Variants in RANBP2 observed in about 807,000 individuals in gnomAD.
RANBP2 encodes the protein E3 SUMO-protein ligase RanBP2.
RANBP2 carries 57 observed loss-of-function variants against 303.6 expected under a neutral mutation model. The observed-to-expected ratio is 0.19, with a 90% CI of 0.15 to 0.23. The LOEUF (loss-of-function observed/expected upper bound fraction) is 0.23. Ranked by LOEUF, RANBP2 falls within the 10% of genes least tolerant of loss-of-function variation. The pLI is 1.00. For missense variants in RANBP2, 3,138 were observed against 3,780.8 expected, an observed-to-expected ratio of 0.83 and a Z score of 4.46; for synonymous variants, 1,167 against 1,301.5, an observed-to-expected ratio of 0.90 and a Z score of 2.23.
the RANBP2 span, among the ~76,000 whole-genome samples, chr2:109,098,261 A>G: frequency 1.3e-5 from 2 of 152,210 alleles, no homozygotes; most frequent in Non-Finnish European, 2.9e-5. Flanking sequence ...AAACTCATGT[A>G]CAAGTCCCCA....
the RANBP2 span, among the ~76,000 whole-genome samples, chr2:108,848,014 T>C: frequency 6.6e-6 from 1 of 152,134 alleles, no homozygotes. Context: ...CACGCTTACA[T>C]ACCCACAGGT....
the RANBP2 span, chr2:109,432,814 G>A: frequency 2.6e-6 from 3 of 1,147,120 alleles, no homozygotes; most frequent in Non-Finnish European, 3.6e-6. Flanking sequence ...AGCCCCCACT[G>A]GCGTCCCCAG....
At chr2:108,786,964 C>T (rs537504426), downstream of RANBP2, 177 of 1,296,930 alleles carry the variant, frequency 1.4e-4, 1 homozygote, top group African/African-American at 2.4e-3. Context: ...TGCTGGGGGG[C>T]GGCCCGCTCC....
At chr2:108,737,699 C>A (rs550505164) in intron 6 of RANBP2, among the ~76,000 whole-genome samples, 24 of 150,860 alleles carry the variant, frequency 1.6e-4, no homozygotes, top group Admixed American at 1.3e-3. Flanking sequence ...CAGGTGCCCG[C>A]CACCACACCT....
chr2:109,644,014 G>A, the RANBP2 span, among the ~76,000 whole-genome samples: 1 of 151,638 alleles, frequency 6.6e-6, no homozygotes, highest in African/African-American at 2.4e-5. Flanking sequence ...CCAGCTACTC[G>A]GGAGGCTGAG....
chr2:108,895,179 T>C, the RANBP2 span: 2 of 152,648 alleles, frequency 1.3e-5, no homozygotes, highest in Admixed American at 1.3e-4. Context: ...TATTAAATAT[T>C]CAGGACCTCA....
the RANBP2 span, among the ~76,000 whole-genome samples, chr2:108,915,949 G>A: frequency 6.6e-6 from 1 of 152,020 alleles, no homozygotes; most frequent in South Asian, 2.1e-4. Flanking sequence ...GTGGAGAAGT[G>A]CGTGCCCCTA....
chr2:109,422,941 G>A, the RANBP2 span, among the ~76,000 whole-genome samples: 1 of 152,094 alleles, frequency 6.6e-6, no homozygotes, highest in Middle Eastern at 3.2e-3. Flanking sequence ...GACGAAACAG[G>A]CATCAGACCG....
chr2:109,211,553 C>T, the RANBP2 span, among the ~76,000 whole-genome samples: 92 of 152,258 alleles, frequency 6.0e-4, no homozygotes, highest in Middle Eastern at 3.4e-3. Context: ...CCGGGGCTGT[C>T]ACAGAGCAGG....
the RANBP2 span, among the ~76,000 whole-genome samples, chr2:109,205,234 TAAAA>T: frequency 1.4e-5 from 2 of 146,970 alleles, no homozygotes; most frequent in Admixed American, 1.4e-4. Flanking sequence ...TAAAATAAGA[TAAAA>T]AAAATTAGAG....
the RANBP2 span, among the ~76,000 whole-genome samples, chr2:109,051,543 G>T: frequency 9.9e-5 from 15 of 152,148 alleles, no homozygotes; most frequent in South Asian, 2.5e-3. Flanking sequence ...AAGTTTCTTG[G>T]GTCAAACCAA....
the RANBP2 span, among the ~76,000 whole-genome samples, chr2:108,938,505 T>C: frequency 2.0e-5 from 3 of 152,202 alleles, no homozygotes; most frequent in African/African-American, 7.2e-5. Flanking sequence ...TAACGTGGCT[T>C]GCAAATATCC....
chr2:109,357,294 GC>G, the RANBP2 span, among the ~76,000 whole-genome samples: 2 of 151,854 alleles, frequency 1.3e-5, no homozygotes, highest in Non-Finnish European at 2.9e-5. Flanking sequence ...CCATTCTCCT[GC>G]CTCAGCCTCC....
the RANBP2 span, among the ~76,000 whole-genome samples, chr2:109,261,820 C>G: frequency 3.5e-4 from 53 of 152,166 alleles, no homozygotes; most frequent in Admixed American, 5.9e-4. Flanking sequence ...AGCCTCCCCA[C>G]CCCTTCACTT....
At chr2:109,470,405 A>G in the RANBP2 span, among the ~76,000 whole-genome samples, 1 of 152,120 alleles carries the variant, frequency 6.6e-6, no homozygotes, top group Admixed American at 6.5e-5. Context: ...GCGCCTTGTC[A>G]ATCTTTGGTT....
the RANBP2 span, among the ~76,000 whole-genome samples, chr2:109,301,202 C>G: frequency 6.6e-6 from 1 of 152,134 alleles, no homozygotes; most frequent in African/African-American, 2.4e-5. Context: ...GGTTCCTCTG[C>G]GCAGGCTGAT....
At chr2:108,943,494 T>C in the RANBP2 span, among the ~76,000 whole-genome samples, 2 of 152,232 alleles carry the variant, frequency 1.3e-5, no homozygotes, top group Non-Finnish European at 2.9e-5. Flanking sequence ...CTGATGTTAC[T>C]ACCGAAGCCC....
the RANBP2 span, among the ~76,000 whole-genome samples, chr2:109,713,649 C>T: frequency 6.6e-6 from 1 of 152,190 alleles, no homozygotes; most frequent in Non-Finnish European, 1.5e-5. Context: ...GGTTCTTGGC[C>T]TGCTGGGGTC....
the RANBP2 span, chr2:109,615,485 G>A: frequency 2.5e-6 from 4 of 1,613,634 alleles, no homozygotes; most frequent in East Asian, 2.2e-5. Context: ...AGCTGCCGGT[G>A]AACATCGACG....
Sources: gnomAD v4.1 joint callset for allele counts (sites outside exome capture counted in the v4.1 genomes callset) on GRCh38, gnomAD v4.1.1 for gene constraint, MANE v1.5 for transcripts, NCBI Gene and HGNC (gene_info 2026-07-23, HGNC 2026-07-21) for gene names.